The following NRG3 variants were observed in gnomAD, a reference collection of about 807,000 sequenced individuals.
NRG3 encodes the protein neuregulin 3.
In NRG3, 31 loss-of-function variants were observed where a neutral mutation model predicts 66.9. That is an observed-to-expected ratio of 0.46 (90% CI 0.35 to 0.63). The LOEUF (loss-of-function observed/expected upper bound fraction) is 0.63. NRG3 is among the 20% of genes least tolerant of loss of function. The pLI is 0.00. For synonymous variants in NRG3, 393 were observed against 359.4 expected (o/e 1.09, Z -1.06); for missense variants, 910 against 878.9 (o/e 1.04, Z -0.45).
intron 2 of NRG3, among the ~76,000 whole-genome samples, chr10:82,412,023 G>A (rs1182228002): frequency 6.6e-6 from 1 of 152,086 alleles, no homozygotes; most frequent in Non-Finnish European, 1.5e-5. Context: ...TGAGTCTGGA[G>A]TATAATTCTC....
intron 2 of NRG3, among the ~76,000 whole-genome samples, chr10:82,393,089 A>G (rs1014679907): frequency 3.3e-5 from 5 of 152,230 alleles, no homozygotes; most frequent in East Asian, 1.9e-4. Context: ...TGGTTTGTCT[A>G]TACTTCCAAA....
At chr10:81,991,357 A>G (rs2060733195) in intron 1 of NRG3, among the ~76,000 whole-genome samples, 1 of 152,210 alleles carries the variant, frequency 6.6e-6, no homozygotes, top group Non-Finnish European at 1.5e-5. Context: ...TGTAGATCAT[A>G]GAACTTGGCA....
At chr10:81,876,501 C>G (rs1221030280) in intron 1 of NRG3, among the ~76,000 whole-genome samples, 2 of 152,124 alleles carry the variant, frequency 1.3e-5, no homozygotes, top group South Asian at 2.1e-4. Flanking sequence ...GGCGAGCTGC[C>G]GGATCCCGCT....
At chr10:82,769,278 A>T (rs1289999663) in intron 3 of NRG3, among the ~76,000 whole-genome samples, 1 of 152,114 alleles carries the variant, frequency 6.6e-6, no homozygotes, top group African/African-American at 2.4e-5. Context: ...CTGAAGCACC[A>T]GTTCAAAGGC....
At chr10:82,737,043 A>C (rs570539518) in intron 2 of NRG3, among the ~76,000 whole-genome samples, 184 of 152,346 alleles carry the variant, frequency 1.2e-3, no homozygotes, top group Non-Finnish European at 2.2e-3. Flanking sequence ...TTTATGACAA[A>C]TATGACTCAG....
At chr10:82,462,387 C>T (rs958624852) in intron 2 of NRG3, among the ~76,000 whole-genome samples, 1 of 150,984 alleles carries the variant, frequency 6.6e-6, no homozygotes, top group Non-Finnish European at 1.5e-5. Context: ...TCCAAATATA[C>T]ATATACACAT....
intron 1 of NRG3, among the ~76,000 whole-genome samples, chr10:82,139,333 A>G (rs1024028354): frequency 2.0e-5 from 3 of 152,196 alleles, no homozygotes; most frequent in South Asian, 2.1e-4. Flanking sequence ...TACTGAGCCA[A>G]CATGGAAAAT....
intron 4 of NRG3, among the ~76,000 whole-genome samples, chr10:82,871,904 C>A (rs1841379514): frequency 6.6e-6 from 1 of 151,780 alleles, no homozygotes; most frequent in Non-Finnish European, 1.5e-5. Flanking sequence ...ATTTTGTTTC[C>A]TTTTCTTATC....
At chr10:82,708,685 A>G (rs1012484954) in intron 2 of NRG3, among the ~76,000 whole-genome samples, 18 of 152,158 alleles carry the variant, frequency 1.2e-4, no homozygotes, top group Admixed American at 1.0e-3. Context: ...ATTCTTTTTC[A>G]TAAGACAAGA....
chr10:82,648,628 C>T (rs1033283302), intron 2 of NRG3, among the ~76,000 whole-genome samples: 2 of 152,164 alleles, frequency 1.3e-5, no homozygotes, highest in African/African-American at 4.8e-5. Context: ...TTGATTCTTC[C>T]TGCCCATGAG....
intron 1 of NRG3, chr10:82,232,551 A>G: frequency 7.3e-6 from 4 of 545,000 alleles, no homozygotes; most frequent in Non-Finnish European, 1.4e-5. Flanking sequence ...TCTCTCAGGT[A>G]CCTCAGACTT....
intron 1 of NRG3, among the ~76,000 whole-genome samples, chr10:81,933,127 A>G (rs1370764926): frequency 1.3e-5 from 2 of 150,642 alleles, no homozygotes; most frequent in African/African-American, 2.4e-5. Flanking sequence ...AAAAAAAAAG[A>G]AAAGAAAAAA....
chr10:82,623,112 T>A (rs1396576114), intron 2 of NRG3, among the ~76,000 whole-genome samples: 1 of 152,180 alleles, frequency 6.6e-6, no homozygotes, highest in Non-Finnish European at 1.5e-5. Flanking sequence ...GTACCACTAA[T>A]CACAATGGCA....
chr10:81,905,179 C>G (rs764527785), intron 1 of NRG3, among the ~76,000 whole-genome samples: 1 of 152,206 alleles, frequency 6.6e-6, no homozygotes, highest in Non-Finnish European at 1.5e-5. Context: ...CTTAAGTGAT[C>G]ACTGTTTCCA....
intron 1 of NRG3, among the ~76,000 whole-genome samples, chr10:82,184,575 AG>A (rs1444692186): frequency 3.3e-5 from 5 of 152,198 alleles, no homozygotes; most frequent in African/African-American, 1.2e-4. Flanking sequence ...TATATGTAAA[AG>A]AAACACATTT....
chr10:82,946,174 C>T (rs1009736292), intron 4 of NRG3, among the ~76,000 whole-genome samples: 2 of 148,190 alleles, frequency 1.3e-5, no homozygotes, highest in African/African-American at 2.5e-5. Context: ...TTTGATAGTG[C>T]AAGGCTCTTT....
At chr10:82,636,762 A>G (rs2050225618) in intron 2 of NRG3, among the ~76,000 whole-genome samples, 1 of 151,964 alleles carries the variant, frequency 6.6e-6, no homozygotes, top group South Asian at 2.1e-4. Context: ...GTATATACCC[A>G]GAAGAGGAAT....
At chr10:82,550,388 A>T (rs1436460690) in intron 2 of NRG3, among the ~76,000 whole-genome samples, 2 of 152,062 alleles carry the variant, frequency 1.3e-5, no homozygotes, top group Non-Finnish European at 2.9e-5. Flanking sequence ...AGGGTTCTGT[A>T]ACTATCCATT....
chr10:82,525,910 A>G (rs1426406171), intron 2 of NRG3, among the ~76,000 whole-genome samples: 2 of 152,018 alleles, frequency 1.3e-5, no homozygotes, highest in Non-Finnish European at 2.9e-5. Context: ...CAAGAATACA[A>G]TAACTGATAA....
Sources: gnomAD v4.1 joint callset for allele counts (sites outside exome capture counted in the v4.1 genomes callset) on GRCh38, gnomAD v4.1.1 for gene constraint, MANE v1.5 for transcripts, NCBI Gene and HGNC (gene_info 2026-07-23, HGNC 2026-07-21) for gene names.